Variants in NPSR1 observed in about 807,000 individuals in gnomAD.
The protein encoded by NPSR1 is neuropeptide S receptor 1, also known as neuropeptide S receptor.
In NPSR1, 48 loss-of-function variants were observed where a neutral mutation model predicts 46.9. The ratio of observed to expected loss-of-function variants is 1.02; its 90% confidence interval spans 0.81 to 1.30. The LOEUF is 1.30. Ranked by LOEUF, NPSR1 falls within the 50% of genes most tolerant of loss-of-function variation. The pLI, the probability that NPSR1 is intolerant of heterozygous loss-of-function variation, is 0.00. For missense variants in NPSR1, 450 were observed against 449.5 expected (o/e 1.00, Z -0.01); for synonymous variants, 176 against 168.1 (o/e 1.05, Z -0.36).
intron 6 of NPSR1, among the ~76,000 whole-genome samples, chr7:34,844,409 C>A (rs994212122): frequency 6.6e-6 from 1 of 152,098 alleles, no homozygotes; most frequent in Non-Finnish European, 1.5e-5. Flanking sequence ...AGTTCTGATA[C>A]CCCTGGCTTG....
intron 2 of NPSR1, among the ~76,000 whole-genome samples, chr7:34,700,722 G>A (rs868035349): frequency 3.3e-5 from 5 of 152,126 alleles, no homozygotes; most frequent in Non-Finnish European, 7.4e-5. Context: ...TTGAATCTCA[G>A]CATTTCTACT....
chr7:34,828,426 G>T (rs1298149894), intron 5 of NPSR1, among the ~76,000 whole-genome samples: 1 of 152,240 alleles, frequency 6.6e-6, no homozygotes, highest in African/African-American at 2.4e-5. Context: ...TTTCAACAGA[G>T]ATTAGCACAA....
chr7:34,786,001 T>G (rs899608630), intron 3 of NPSR1, among the ~76,000 whole-genome samples: 2 of 152,172 alleles, frequency 1.3e-5, no homozygotes, highest in Admixed American at 1.3e-4. Flanking sequence ...TGCCAAAGGT[T>G]GTGGTGGCTG....
chr7:34,828,167 TG>T (rs1374799774), intron 5 of NPSR1, among the ~76,000 whole-genome samples: 1 of 152,226 alleles, frequency 6.6e-6, no homozygotes, highest in Non-Finnish European at 1.5e-5. Context: ...GAATATATTT[TG>T]GAAGCCACCA....
chr7:34,662,918 C>T (rs895371016), intron 1 of NPSR1, among the ~76,000 whole-genome samples: 1 of 152,128 alleles, frequency 6.6e-6, no homozygotes, highest in African/African-American at 2.4e-5. Context: ...TGGCAGGAAG[C>T]ATAATCTTAG....
intron 1 of NPSR1, among the ~76,000 whole-genome samples, chr7:34,682,230 C>A (rs1247982472): frequency 6.6e-6 from 1 of 152,172 alleles, no homozygotes; most frequent in Non-Finnish European, 1.5e-5. Context: ...AGGGCTGGCC[C>A]AGAACCTGTG....
intron 3 of NPSR1, among the ~76,000 whole-genome samples, chr7:34,796,976 T>C (rs1788202466): frequency 6.6e-6 from 1 of 152,194 alleles, no homozygotes; most frequent in African/African-American, 2.4e-5. Flanking sequence ...ATCCATACAA[T>C]GAAATATTAT....
chr7:34,666,338 C>T (rs2022142), intron 1 of NPSR1, among the ~76,000 whole-genome samples: 20,675 of 152,170 alleles, frequency 0.14, 1,540 homozygotes, highest in African/African-American at 0.19. Flanking sequence ...TCAACCTCCT[C>T]CTCACTTTCC....
At chr7:34,776,732 A>C (rs1427051965) in intron 2 of NPSR1, among the ~76,000 whole-genome samples, 1 of 152,124 alleles carries the variant, frequency 6.6e-6, no homozygotes, top group South Asian at 2.1e-4. Context: ...GTACCTGGGT[A>C]TTGCTGCTGG....
chr7:34,805,290 C>A (rs1788638808), intron 3 of NPSR1, among the ~76,000 whole-genome samples: 1 of 151,684 alleles, frequency 6.6e-6, no homozygotes, highest in Non-Finnish European at 1.5e-5. Flanking sequence ...TACTATAAAG[C>A]TTCATAATCA....
intron 3 of NPSR1, among the ~76,000 whole-genome samples, chr7:34,809,709 C>A (rs942816512): frequency 6.6e-6 from 1 of 151,906 alleles, no homozygotes; most frequent in Non-Finnish European, 1.5e-5. Flanking sequence ...GTGATCCACC[C>A]GCCTCGGCCT....
chr7:34,743,253 G>A (rs576145116), intron 2 of NPSR1, among the ~76,000 whole-genome samples: 28 of 152,162 alleles, frequency 1.8e-4, no homozygotes, highest in African/African-American at 6.0e-4. Context: ...TATTACTTAC[G>A]TTGTCTTCCG....
intron 2 of NPSR1, among the ~76,000 whole-genome samples, chr7:34,771,865 C>T (rs1786700364): frequency 6.6e-6 from 1 of 152,112 alleles, no homozygotes. Context: ...CTACTTAGAA[C>T]CTTGCCAAGG....
Position 34,727,345 on chromosome 7 carries a change from TA to T in NPSR1, c.280+42666del. ...GATCATGTTTATCTTGTTCACTTTT[TA>T]AAAAGTCATTTTGAAAAAGCAATAA... is the stretch of plus-strand genomic sequence containing the variant. On this transcript the variant is annotated intron_variant, in intron 2 of 8. Coordinates refer to ENST00000360581, the MANE Select transcript of NPSR1 (RefSeq NM_207172.2). Among the ~76,000 whole-genome samples, 3 of 152,332 alleles carry T rather than the reference TA, an allele frequency of 2.0e-5. No individual in the cohort carries two copies. In the Middle Eastern group the frequency reaches 0.01, roughly 518 times the overall value.
At chr7:34,715,646 A>G (rs760828693) in intron 2 of NPSR1, among the ~76,000 whole-genome samples, 1 of 152,248 alleles carries the variant, frequency 6.6e-6, no homozygotes, top group Non-Finnish European at 1.5e-5. Flanking sequence ...TTTGGAGGCC[A>G]CGTGTTGAGA....
chr7:34,871,596 G>A (rs1423564479), intron 8 of NPSR1: 1 of 151,774 alleles, frequency 6.6e-6, no homozygotes, highest in Non-Finnish European at 1.5e-5. Context: ...TAAAATCAAA[G>A]ACAAGTTATT....
chr7:34,856,768 C>T (rs533177748), intron 8 of NPSR1, among the ~76,000 whole-genome samples: 18 of 151,622 alleles, frequency 1.2e-4, no homozygotes, highest in South Asian at 8.3e-4. Context: ...GGGAAGGGAC[C>T]GCAAGTCATT....
At chr7:34,836,621 G>A (rs1483474770) in intron 6 of NPSR1, among the ~76,000 whole-genome samples, 1 of 146,228 alleles carries the variant, frequency 6.8e-6, no homozygotes, top group Non-Finnish European at 1.5e-5. Context: ...AGTGAGGAAA[G>A]AAAAGAAGAA....
rs140447823 is a variant in NPSR1, at chr7:34,673,425, A to G, written c.148-11127A>G. Among the ~76,000 whole-genome samples, 1,382 of 152,270 alleles carry G rather than the reference A, an allele frequency of 9.1e-3. 23 individuals carry two copies. The highest frequency in any genetic ancestry group is 0.011 in the Non-Finnish European group (729 of 68,038). On this transcript the variant is annotated intron_variant, in intron 1 of 8. Transcript: ENST00000360581. Reference sequence around the variant, plus strand: ...CACTTCCGGCCTGAGTGTCATTTCTACACCAACATGTAAGCCAAGGCTCTC... The same window carrying G: ...CACTTCCGGCCTGAGTGTCATTTCTGCACCAACATGTAAGCCAAGGCTCTC...
Sources: allele counts gnomAD v4.1 joint callset (sites outside exome capture counted in the v4.1 genomes callset), GRCh38; gene constraint gnomAD v4.1.1; transcripts MANE v1.5; gene names NCBI Gene and HGNC (gene_info 2026-07-23, HGNC 2026-07-21).